OC90: variants seen among roughly 807,000 people sequenced by gnomAD.
OC90 encodes the protein otoconin-90.
In OC90, 46 loss-of-function variants were observed where a neutral mutation model predicts 47.3. The ratio of observed to expected loss-of-function variants is 0.97; its 90% CI spans 0.77 to 1.24. OC90 has a LOEUF of 1.24. OC90 is among the 50% of genes most tolerant of loss of function. The pLI, the probability that OC90 is intolerant of heterozygous loss-of-function variation, is 0.00. For missense variants in OC90, 688 were observed against 583.9 expected (o/e 1.18, Z -1.84); for synonymous variants, 271 against 219.5 (o/e 1.23, Z -2.07).
chr8:132,047,479 G>T (rs1395179242), intron 2 of OC90, among the ~76,000 whole-genome samples: 2 of 151,926 alleles, frequency 1.3e-5, no homozygotes, highest in Admixed American at 6.6e-5. Context: ...TTTATTACAG[G>T]GTAGTTTTAT....
At chr8:132,054,488 A>AT (rs1823254797) in intron 2 of OC90, among the ~76,000 whole-genome samples, 1 of 152,186 alleles carries the variant, frequency 6.6e-6, no homozygotes, top group Non-Finnish European at 1.5e-5. Context: ...AGAAGCCTCA[A>AT]TAACACCTTC....
At position 132,038,946 on chromosome 8, in the gene OC90, G is replaced by A. The variant is rs75367129; in HGVS notation, c.586+49C>T. The A allele has an allele frequency of 1.1e-4, 172 of 1,613,414 alleles. No homozygotes were observed. In the African/African-American group the frequency reaches 2.1e-3, roughly 20 times the overall value. The stretch of plus-strand genomic sequence containing the variant: ...AGCAATAATTGATCCCAAACCAGCT[G>A]CTGTCCAGATCCTCAGCCCCACGGC... On this transcript the variant is annotated intron_variant, in intron 7 of 13. Coordinates refer to ENST00000254627, the MANE Select transcript of OC90 (RefSeq NM_001080399.3).
intron 2 of OC90, among the ~76,000 whole-genome samples, chr8:132,046,664 T>C (rs1405211825): frequency 6.6e-6 from 1 of 152,230 alleles, no homozygotes; most frequent in Non-Finnish European, 1.5e-5. Context: ...CTTATAGACT[T>C]GTTCCTGCTC....
intron 13 of OC90, among the ~76,000 whole-genome samples, chr8:132,027,576 G>A (rs1822778226): frequency 6.6e-6 from 1 of 152,200 alleles, no homozygotes; most frequent in East Asian, 1.9e-4. Flanking sequence ...AAAGCATAAG[G>A]GAAATGCATC....
Position 132,039,090 on chromosome 8 carries a change from G to T in OC90, c.491C>A (p.Thr164Asn). The T allele has an allele frequency of 2.5e-6, 4 of 1,612,798 alleles. No individual in the cohort carries two copies. Among genetic ancestry groups the T allele is most frequent in the Admixed American group, 1.7e-5 (1 of 59,846 alleles). ...GCACTCTATGGCAGCCTTATCACAG[G>T]TACACAGCAGGTGCTCACAGTTGTC... Reference protein sequence around the residue: ...SKDNCEHLLCTCDKAAIECLA... With the variant: ...SKDNCEHLLCNCDKAAIECLA... The change falls in exon 7 of 14, where the codon ACC (threonine) becomes AAC (asparagine). Residue 164 changes from threonine (T) to asparagine (N), a missense_variant. Thr to Asn is a moderately conservative substitution (Grantham distance 65). Transcript: ENST00000254627.
chr8:132,052,260 C>T (rs1196685827), intron 2 of OC90, among the ~76,000 whole-genome samples: 1 of 152,208 alleles, frequency 6.6e-6, no homozygotes, highest in East Asian at 1.9e-4. Context: ...AGACTTGTGA[C>T]TTCAGTTCCA....
chr8:132,028,526 A>AAAAGAAAGAAAGAAAGAAAGAAAG (rs372685836), intron 13 of OC90, among the ~76,000 whole-genome samples: 63 of 87,552 alleles, frequency 7.2e-4, no homozygotes, highest in African/African-American at 2.1e-3. Flanking sequence ...AGAAAGAAAG[A>AAAAGAAAGAAAGAAAGAAAGAAAG]AAAGAAAGAA....
intron 2 of OC90, among the ~76,000 whole-genome samples, chr8:132,052,694 T>G (rs1823229153): frequency 6.6e-6 from 1 of 152,198 alleles, no homozygotes; most frequent in African/African-American, 2.4e-5. Flanking sequence ...AGAGGGAATG[T>G]AAGGACAAAA....
At chr8:132,030,465 G>A (rs1387588396) in intron 12 of OC90, among the ~76,000 whole-genome samples, 2 of 152,104 alleles carry the variant, frequency 1.3e-5, no homozygotes. Context: ...CAGTTATCAG[G>A]AAACACCTTC....
At chr8:132,058,030 T>A (rs1254706824) in intron 1 of OC90, among the ~76,000 whole-genome samples, 1 of 152,224 alleles carries the variant, frequency 6.6e-6, no homozygotes, top group Non-Finnish European at 1.5e-5. Context: ...TTATCGGTAG[T>A]ACTTGCTTGG....
intron 12 of OC90, among the ~76,000 whole-genome samples, chr8:132,030,684 G>T (rs1034443675): frequency 6.6e-6 from 1 of 152,220 alleles, no homozygotes; most frequent in African/African-American, 2.4e-5. Flanking sequence ...CATCACCTTT[G>T]CTAGAGTGAA....
rs1436815024 is a variant in OC90 at position 132,031,926 on chromosome 8, TAA to T, written c.984_985del (p.Cys328Ter). Reference sequence around the variant, plus strand: ...CTCGCCTCTTCCTTCTTGTCCACAGTAACAGCCATAAGACTCAAATTCCTCCG... The same window carrying T: ...CTCGCCTCTTCCTTCTTGTCCACAGTCAGCCATAAGACTCAAATTCCTCCG... On this transcript the variant is annotated stop_gained and frameshift_variant, in exon 12 of 14. Coordinates refer to ENST00000254627, the MANE Select transcript of OC90 (RefSeq NM_001080399.3). LOFTEE classifies it high-confidence loss of function. The T allele has an allele frequency of 2.5e-6, 4 of 1,613,988 alleles. No homozygotes were observed. The highest frequency in any genetic ancestry group is 1.7e-5 in the Admixed American group (1 of 60,030).
At chr8:132,058,513 A>G (rs1200503732) in intron 1 of OC90, among the ~76,000 whole-genome samples, 1 of 152,184 alleles carries the variant, frequency 6.6e-6, no homozygotes, top group African/African-American at 2.4e-5. Flanking sequence ...TCTGAGCCCA[A>G]GGCCTTGCTG....
At chr8:132,058,586 TG>T (rs1191074165) in intron 1 of OC90, among the ~76,000 whole-genome samples, 4 of 152,198 alleles carry the variant, frequency 2.6e-5, no homozygotes, top group Non-Finnish European at 5.9e-5. Context: ...TCGAGTGCCC[TG>T]AGCCAGGCAC....
At position 132,041,161 on chromosome 8, in the gene OC90, A is replaced by G; in HGVS notation, c.345-5T>C. The G allele has an allele frequency of 2.5e-6, 4 of 1,601,198 alleles. No individual in the cohort carries two copies. Among genetic ancestry groups the G allele is most frequent in the East Asian group, 2.2e-5 (1 of 44,822 alleles). ...CTGCGGTGCTGGAAGCAGCAGCTGTAGGAAGGCCGGGAGGAGGCAGGGTGA... is the reference window on the plus strand; with the variant it reads ...CTGCGGTGCTGGAAGCAGCAGCTGTGGGAAGGCCGGGAGGAGGCAGGGTGA... On this transcript the variant is annotated splice_polypyrimidine_tract_variant and splice_region_variant and intron_variant, in intron 5 of 13. Coordinates refer to ENST00000254627, the MANE Select transcript of OC90 (RefSeq NM_001080399.3).
At chr8:132,031,442 T>C (rs1472890282) in intron 12 of OC90, among the ~76,000 whole-genome samples, 2 of 152,344 alleles carry the variant, frequency 1.3e-5, no homozygotes, top group East Asian at 3.9e-4. Context: ...AGAAAAGTTA[T>C]ACTTAAAAGG....
At chr8:132,048,903 C>T (rs957731971) in intron 2 of OC90, among the ~76,000 whole-genome samples, 2 of 151,488 alleles carry the variant, frequency 1.3e-5, no homozygotes, top group Non-Finnish European at 2.9e-5. Context: ...AAAGGGCCTG[C>T]CTGCAGGGGG....
In OC90 at chr8:132,038,797, C is replaced by A. The variant is rs779430442; in HGVS notation, c.621G>T (p.Leu207=). Residue 207 remains leucine, a synonymous_variant, in exon 8 of 14, where the codon CTG becomes CTT. Transcript: ENST00000254627. ...AACCCTGGGAGGCCTTACCTCTGGG[C>A]AGAAGTGTTGTCAAGTCTTCCTTGA... ...TTIKEDLTTL[L]PRVVPVEPTD... is the part of the protein sequence containing the mutation. The A allele has an allele frequency of 6.2e-7, 1 of 1,613,708 alleles. No individual in the cohort carries two copies. Among genetic ancestry groups the A allele is most frequent in the South Asian group, 1.1e-5 (1 of 91,042 alleles).
intron 12 of OC90, among the ~76,000 whole-genome samples, chr8:132,029,380 G>T (rs573224264): frequency 1.3e-5 from 2 of 152,250 alleles, no homozygotes; most frequent in East Asian, 3.9e-4. Context: ...CAAAGGCCAC[G>T]TCTAAGGCGG....
Sources: allele counts gnomAD v4.1 joint callset (sites outside exome capture counted in the v4.1 genomes callset), GRCh38; gene constraint gnomAD v4.1.1; transcripts MANE v1.5; gene names NCBI Gene and HGNC (gene_info 2026-07-23, HGNC 2026-07-21).